The following PDE11A variants were observed in gnomAD, a reference collection of about 807,000 sequenced individuals.
The protein encoded by PDE11A is dual 3',5'-cyclic-AMP and -GMP phosphodiesterase 11A.
PDE11A carries 100 observed loss-of-function variants against 100.5 expected under a neutral mutation model. The ratio of observed to expected loss-of-function variants is 1.00; its 90% confidence interval spans 0.85 to 1.18. PDE11A has a LOEUF of 1.18. Ranked by LOEUF, PDE11A falls within the 50% of genes most tolerant of loss-of-function variation. The pLI is 0.00. For missense variants in PDE11A, 1,141 were observed against 1,152.6 expected (o/e 0.99, Z 0.15); for synonymous variants, 381 against 420.8 (o/e 0.91, Z 1.16).
rs201342035 is a variant in PDE11A at position 177,669,525 on chromosome 2, G to T, written c.2530C>A (p.Arg844=). 4 of 1,463,720 alleles carry T rather than the reference G, an allele frequency of 2.7e-6. No homozygotes were observed. The highest frequency in any genetic ancestry group is 3.8e-6 in the Non-Finnish European group (4 of 1,043,290). The allele number at this position is 1,463,720 out of a possible 1,614,324, so 90.7% of individuals were successfully genotyped here. Residue 844 remains arginine, a synonymous_variant, in exon 18 of 20, where the codon CGG becomes AGG. Transcript: ENST00000286063. ...VTSEFFEQGD[R]ERLELKLTPS... ...GTGAGTTTGAGCTCTAATCTCTCCC[G>T]ATCTCCTTGTTCGAAGAACTCACTG...
chr2:177,689,836 C>T (rs1319652283), intron 15 of PDE11A, among the ~76,000 whole-genome samples: 1 of 152,130 alleles, frequency 6.6e-6, no homozygotes, highest in Non-Finnish European at 1.5e-5. Flanking sequence ...ACCACAAGGC[C>T]CCAGCAGTCA....
chr2:177,781,916 T>A (rs1387226908), intron 9 of PDE11A, among the ~76,000 whole-genome samples: 1 of 152,242 alleles, frequency 6.6e-6, no homozygotes, highest in African/African-American at 2.4e-5. Flanking sequence ...CAACTTGGGA[T>A]GAGAAATTCA....
chr2:177,920,940 T>C (rs2085032810), intron 2 of PDE11A, among the ~76,000 whole-genome samples: 3 of 151,780 alleles, frequency 2.0e-5, no homozygotes, highest in East Asian at 1.9e-4. Flanking sequence ...TGGGCGCCTG[T>C]AGTCCCAGCT....
chr2:177,929,501 GC>G (rs1411243003), intron 2 of PDE11A, among the ~76,000 whole-genome samples: 3 of 152,162 alleles, frequency 2.0e-5, no homozygotes, highest in Non-Finnish European at 4.4e-5. Flanking sequence ...GTATTTTAAA[GC>G]CTGCTAGGAT....
chr2:177,988,485 C>A (rs2085966040), intron 2 of PDE11A, among the ~76,000 whole-genome samples: 1 of 152,174 alleles, frequency 6.6e-6, no homozygotes, highest in African/African-American at 2.4e-5. Context: ...TATTTCAAGA[C>A]TAAAAAAGCA....
At chr2:177,981,799 G>C (rs1332245480) in intron 2 of PDE11A, among the ~76,000 whole-genome samples, 1 of 150,970 alleles carries the variant, frequency 6.6e-6, no homozygotes, top group Non-Finnish European at 1.5e-5. Flanking sequence ...CAAAATTGTA[G>C]AATATCATTC....
intron 15 of PDE11A, among the ~76,000 whole-genome samples, chr2:177,681,401 A>T (rs1226965773): frequency 1.3e-5 from 2 of 152,224 alleles, no homozygotes; most frequent in Non-Finnish European, 1.5e-5. Context: ...CAGTGCTTAA[A>T]CGCATAGGCT....
intron 6 of PDE11A, among the ~76,000 whole-genome samples, chr2:177,835,515 T>A (rs1042853271): frequency 1.3e-5 from 2 of 152,214 alleles, no homozygotes; most frequent in African/African-American, 4.8e-5. Context: ...GGTGACAGCG[T>A]GCTGGCAGCC....
intron 1 of PDE11A, among the ~76,000 whole-genome samples, chr2:178,053,052 A>G (rs1272806086): frequency 2.0e-5 from 3 of 152,176 alleles, no homozygotes; most frequent in Non-Finnish European, 2.9e-5. Flanking sequence ...CCTGGCAGAG[A>G]CACAACAAAA....
intron 3 of PDE11A, among the ~76,000 whole-genome samples, chr2:177,901,771 C>A (rs1266358185): frequency 6.6e-6 from 1 of 152,100 alleles, no homozygotes; most frequent in Non-Finnish European, 1.5e-5. Context: ...AACATTATTT[C>A]TTTAATCATC....
At chr2:177,778,901 T>C (rs565041823) in intron 9 of PDE11A, among the ~76,000 whole-genome samples, 3 of 152,332 alleles carry the variant, frequency 2.0e-5, no homozygotes, top group African/African-American at 4.8e-5. Context: ...TGATCTGTTA[T>C]CATGACCTTC....
At chr2:178,028,847 A>G (rs775155396) in intron 1 of PDE11A, among the ~76,000 whole-genome samples, 17 of 152,130 alleles carry the variant, frequency 1.1e-4, no homozygotes, top group Non-Finnish European at 2.2e-4. Flanking sequence ...ATCTCAATTC[A>G]TTTCTGAGGT....
intron 9 of PDE11A, among the ~76,000 whole-genome samples, chr2:177,804,377 A>G (rs2082836271): frequency 6.6e-6 from 1 of 152,070 alleles, no homozygotes; most frequent in Non-Finnish European, 1.5e-5. Context: ...AACCACAATG[A>G]GATACCATTT....
intron 13 of PDE11A, 110 bp downstream of exon 13, chr2:177,711,659 G>A (rs2081360522): frequency 1.4e-6 from 1 of 726,288 alleles, no homozygotes; most frequent in Non-Finnish European, 2.5e-6. Flanking sequence ...AGCCTGCATG[G>A]CCTTGGCCTC....
chr2:177,729,845 CT>C (rs2081654832), intron 10 of PDE11A, among the ~76,000 whole-genome samples: 1 of 149,368 alleles, frequency 6.7e-6, no homozygotes, highest in African/African-American at 2.5e-5. Flanking sequence ...AAGCCCTTTT[CT>C]TTTTTCCCCC....
chr2:177,730,789 A>G (rs1378887577), intron 10 of PDE11A, among the ~76,000 whole-genome samples: 1 of 151,992 alleles, frequency 6.6e-6, no homozygotes, highest in Non-Finnish European at 1.5e-5. Flanking sequence ...CACTCTCTGT[A>G]CTTTGTTTTA....
intron 2 of PDE11A, chr2:177,922,889 CTCTG>C (rs2085073651): frequency 4.5e-6 from 4 of 882,008 alleles, no homozygotes; most frequent in Middle Eastern, 5.7e-4. Flanking sequence ...AGTTGTATAC[CTCTG>C]TCTTTGTTCA....
At chr2:177,923,032 TC>T in intron 2 of PDE11A, among the ~76,000 whole-genome samples, 1 of 127,066 alleles carries the variant, frequency 7.9e-6, no homozygotes, top group African/African-American at 2.9e-5. Context: ...TCTACCATTG[TC>T]TCTCTGCATT....
At chr2:177,801,031 T>A (rs1051810881) in intron 9 of PDE11A, among the ~76,000 whole-genome samples, 2 of 152,204 alleles carry the variant, frequency 1.3e-5, no homozygotes, top group African/African-American at 4.8e-5. Flanking sequence ...CTTTTAGAAA[T>A]CTTATGCTTA....
Sources: gnomAD v4.1 joint callset for allele counts (sites outside exome capture counted in the v4.1 genomes callset) on GRCh38, gnomAD v4.1.1 for gene constraint, MANE v1.5 for transcripts, NCBI Gene and HGNC (gene_info 2026-07-23, HGNC 2026-07-21) for gene names.